The following AGR3 variants were observed in gnomAD, a reference collection of about 807,000 sequenced individuals.
The protein encoded by AGR3 is anterior gradient 3, protein disulphide isomerase family member, also known as anterior gradient protein 3.
In AGR3, 37 loss-of-function variants were observed where a neutral mutation model predicts 24.5. That is an observed-to-expected ratio of 1.51 (90% CI 1.16 to 1.99). The LOEUF (loss-of-function observed/expected upper bound fraction) is 1.99. AGR3 is among the 30% of genes most tolerant of loss of function. The probability of loss-of-function intolerance (pLI) is 0.00; values close to 1 mark genes in which losing one functional copy is unlikely to be tolerated. For missense variants in AGR3, 228 were observed against 191.1 expected (o/e 1.19, Z -1.14); for synonymous variants, 75 against 61.6 (o/e 1.22, Z -1.02).
At chr7:16,864,156 A>T in intron 3 of AGR3, 2 of 627,660 alleles carry the variant, frequency 3.2e-6, no homozygotes, top group South Asian at 4.8e-5. Flanking sequence ...CGGAGAATTA[A>T]CAAACTGTTG....
At chr7:16,863,677 T>A (rs539978529) in intron 3 of AGR3, among the ~76,000 whole-genome samples, 1 of 152,140 alleles carries the variant, frequency 6.6e-6, no homozygotes, top group African/African-American at 2.4e-5. Flanking sequence ...CACAAGTATC[T>A]ACATTTTGCT....
At chr7:16,868,027 G>A (rs969820394) in intron 3 of AGR3, among the ~76,000 whole-genome samples, 2 of 152,090 alleles carry the variant, frequency 1.3e-5, no homozygotes, top group African/African-American at 4.8e-5. Context: ...GCCAACACTT[G>A]CTATTATTCA....
intron 3 of AGR3, among the ~76,000 whole-genome samples, chr7:16,871,515 A>G (rs185879054): frequency 6.6e-4 from 101 of 152,254 alleles, no homozygotes; most frequent in African/African-American, 2.4e-3. Context: ...AAACTAGCTG[A>G]AAAAAAGAAA....
At chr7:16,864,665 CA>C in intron 3 of AGR3, 1 of 1,584,454 alleles carries the variant, frequency 6.3e-7, no homozygotes, top group Non-Finnish European at 8.7e-7. Context: ...AGGCAGAAGT[CA>C]GGAAAAAGTG....
At chr7:16,867,750 T>C (rs1781786589) in intron 3 of AGR3, among the ~76,000 whole-genome samples, 1 of 152,198 alleles carries the variant, frequency 6.6e-6, no homozygotes, top group Non-Finnish European at 1.5e-5. Context: ...CATTTGTCTT[T>C]CTGTATCTGG....
chr7:16,865,905 T>C (rs978235489), intron 3 of AGR3: 1 of 713,882 alleles, frequency 1.4e-6, no homozygotes, highest in Non-Finnish European at 2.6e-6. Flanking sequence ...GGACCTGTTA[T>C]TAATAAAATA....
downstream of AGR3, among the ~76,000 whole-genome samples, chr7:16,856,346 G>T (rs1781555603): frequency 6.6e-6 from 1 of 152,108 alleles, no homozygotes; most frequent in Admixed American, 6.5e-5. Context: ...ATGGGAAGGA[G>T]GACAAGGAAG....
chr7:16,864,540 C>T, intron 3 of AGR3: 1 of 1,339,788 alleles, frequency 7.5e-7, no homozygotes, highest in Non-Finnish European at 1.1e-6. Context: ...CGAAGTGTTG[C>T]TTCAGAGGGA....
downstream of AGR3, among the ~76,000 whole-genome samples, chr7:16,859,161 G>A (rs1247481848): frequency 6.6e-6 from 1 of 151,908 alleles, no homozygotes; most frequent in African/African-American, 2.4e-5. Flanking sequence ...ACTCTGGCAG[G>A]CCAAGGTTGG....
intron 1 of AGR3, among the ~76,000 whole-genome samples, chr7:16,879,747 G>A (rs1782066098): frequency 1.3e-5 from 2 of 152,186 alleles, no homozygotes; most frequent in Admixed American, 1.3e-4. Context: ...ATTGTAGTAG[G>A]CATTGTGGAA....
rs193102795 is a variant in AGR3 at position 16,860,772 on chromosome 7, C to G, written c.368-189G>C. ...CCCTAATAGTGAACATAGTAGCCAA[C>G]AGTTAGTTTTTCATCCTTTGGCTCC... is the stretch of plus-strand genomic sequence containing the variant. On this transcript the variant is annotated intron_variant, in intron 6 of 7. Coordinates refer to ENST00000310398, the MANE Select transcript of AGR3 (RefSeq NM_176813.5). 2.2e-4 allele frequency among the ~76,000 whole-genome samples: 34 copies of G among 152,230 alleles called. No homozygotes were observed. The East Asian group carries it at 5.6e-3, about 25-fold the overall frequency.
chr7:16,880,527 C>T (rs1782094572), intron 1 of AGR3, among the ~76,000 whole-genome samples: 2 of 40,820 alleles, frequency 4.9e-5, no homozygotes, highest in African/African-American at 7.4e-5. Flanking sequence ...CTCCTCTCCC[C>T]TCCCCTCCCC....
intron 2 of AGR3, among the ~76,000 whole-genome samples, chr7:16,875,468 T>G (rs1781968667): frequency 1.3e-5 from 2 of 152,200 alleles, no homozygotes. Flanking sequence ...CAAATATTAT[T>G]CCATTGTATG....
intron 2 of AGR3, among the ~76,000 whole-genome samples, chr7:16,877,795 A>G (rs62445068): frequency 1.6e-4 from 24 of 151,402 alleles, no homozygotes; most frequent in Middle Eastern, 3.4e-3. Context: ...CCCGGGAGGC[A>G]GAGCTTGCAG....
chr7:16,877,704 C>G (rs920338880), intron 2 of AGR3, among the ~76,000 whole-genome samples: 2 of 151,596 alleles, frequency 1.3e-5, no homozygotes, highest in African/African-American at 4.8e-5. Context: ...TCTACTAAAA[C>G]TACAAAAAAT....
chr7:16,863,206 T>C (rs190202508), intron 3 of AGR3, among the ~76,000 whole-genome samples: 8 of 152,356 alleles, frequency 5.3e-5, no homozygotes, highest in Admixed American at 4.6e-4. Flanking sequence ...ATAGTGCAGT[T>C]AGAGAAAATC....
At chr7:16,854,959 T>C (rs1781535924), downstream of AGR3, among the ~76,000 whole-genome samples, 1 of 152,226 alleles carries the variant, frequency 6.6e-6, no homozygotes, top group African/African-American at 2.4e-5. Flanking sequence ...GGGCCCATTC[T>C]ACTCCAGTAT....
intron 2 of AGR3, among the ~76,000 whole-genome samples, chr7:16,878,144 T>C (rs1190981378): frequency 6.6e-6 from 1 of 151,032 alleles, no homozygotes; most frequent in Non-Finnish European, 1.5e-5. Flanking sequence ...GACTGGGAAA[T>C]AGAGGACTGG....
chr7:16,864,120 T>C, intron 3 of AGR3: 1 of 463,536 alleles, frequency 2.2e-6, no homozygotes, highest in Non-Finnish European at 3.7e-6. Context: ...GAAGAGTTAG[T>C]TTTTCGTGAT....
Sources: gnomAD v4.1 joint callset for allele counts (sites outside exome capture counted in the v4.1 genomes callset) on GRCh38, gnomAD v4.1.1 for gene constraint, MANE v1.5 for transcripts, NCBI Gene and HGNC (gene_info 2026-07-23, HGNC 2026-07-21) for gene names.